The following PHLPP1 variants were observed in gnomAD, a reference collection of about 807,000 sequenced individuals.
PHLPP1 encodes PH domain and leucine rich repeat protein phosphatase 1, also known as PH domain leucine-rich repeat-containing protein phosphatase 1.
PHLPP1 carries 42 observed loss-of-function variants against 117.2 expected under a neutral mutation model. The observed-to-expected ratio is 0.36, with a 90% CI of 0.28 to 0.46. The LOEUF (loss-of-function observed/expected upper bound fraction) is 0.46. PHLPP1 is among the 20% of genes least tolerant of loss of function. The pLI, the probability that PHLPP1 is intolerant of heterozygous loss-of-function variation, is 1.00. For missense variants in PHLPP1, 2,084 were observed against 2,241.9 expected, an observed-to-expected ratio of 0.93 and a Z score of 1.42; for synonymous variants, 1,042 against 970.7, an observed-to-expected ratio of 1.07 and a Z score of -1.37.
At chr18:62,922,458 A>G (rs1909503073) in intron 10 of PHLPP1, among the ~76,000 whole-genome samples, 2 of 152,190 alleles carry the variant, frequency 1.3e-5, no homozygotes, top group South Asian at 2.1e-4. Context: ...TTTTACGTTA[A>G]TATCAAAGCA....
At chr18:62,796,717 C>T (rs1212031428) in intron 1 of PHLPP1, among the ~76,000 whole-genome samples, 1 of 152,106 alleles carries the variant, frequency 6.6e-6, no homozygotes, top group Non-Finnish European at 1.5e-5. Context: ...GGGACCCTGT[C>T]CATAAACAAA....
At chr18:62,746,223 T>C (rs1309787240) in intron 1 of PHLPP1, among the ~76,000 whole-genome samples, 1 of 152,148 alleles carries the variant, frequency 6.6e-6, no homozygotes, top group Non-Finnish European at 1.5e-5. Flanking sequence ...TTTTGTATTT[T>C]TAGTAGAGAC....
chr18:62,836,412 A>G (rs376666267), intron 2 of PHLPP1, among the ~76,000 whole-genome samples: 1 of 150,654 alleles, frequency 6.6e-6, no homozygotes, highest in African/African-American at 2.4e-5. Context: ...AGCCTGGGCA[A>G]CAGAGCGAGA....
intron 16 of PHLPP1, 112 bp downstream of exon 16, chr18:62,975,737 G>T: frequency 1.4e-6 from 1 of 695,122 alleles, no homozygotes; most frequent in Non-Finnish European, 2.5e-6. Context: ...TTTGAAGTTG[G>T]TTTGACATTA....
intron 1 of PHLPP1, among the ~76,000 whole-genome samples, chr18:62,803,983 T>C (rs1344069089): frequency 6.6e-6 from 1 of 152,136 alleles, no homozygotes; most frequent in Non-Finnish European, 1.5e-5. Context: ...TGGGTGTGTG[T>C]ATTAGTCCGT....
chr18:62,921,449 G>T (rs1169564204), intron 10 of PHLPP1, among the ~76,000 whole-genome samples: 1 of 152,144 alleles, frequency 6.6e-6, no homozygotes, highest in Non-Finnish European at 1.5e-5. Flanking sequence ...ATTTCCCACT[G>T]CATGTTCCTA....
At chr18:62,823,909 A>G (rs186423904) in intron 1 of PHLPP1, among the ~76,000 whole-genome samples, 113 of 152,216 alleles carry the variant, frequency 7.4e-4, no homozygotes, top group Middle Eastern at 3.4e-3. Flanking sequence ...AGGTAGGTGG[A>G]CCATCTGAGG....
chr18:62,776,801 G>A (rs2144274050), intron 1 of PHLPP1, among the ~76,000 whole-genome samples: 1 of 152,094 alleles, frequency 6.6e-6, no homozygotes, highest in African/African-American at 2.4e-5. Flanking sequence ...GTAGAGACGG[G>A]GTTTCACCAT....
intron 10 of PHLPP1, among the ~76,000 whole-genome samples, chr18:62,939,694 A>G (rs1193960741): frequency 1.4e-5 from 2 of 139,058 alleles, no homozygotes; most frequent in Non-Finnish European, 3.1e-5. Flanking sequence ...AAAATGTTCT[A>G]TTTTGGGGAA....
At chr18:62,780,169 G>A (rs939876174) in intron 1 of PHLPP1, among the ~76,000 whole-genome samples, 1 of 152,136 alleles carries the variant, frequency 6.6e-6, no homozygotes, top group Non-Finnish European at 1.5e-5. Flanking sequence ...TTTCAAGAAG[G>A]AATAGTCGAG....
intron 12 of PHLPP1, among the ~76,000 whole-genome samples, chr18:62,954,400 G>A (rs1448744654): frequency 6.6e-6 from 1 of 152,066 alleles, no homozygotes; most frequent in Non-Finnish European, 1.5e-5. Context: ...CAATATAAAG[G>A]GTCTTTTTTT....
chr18:62,940,702 A>T (rs951871459), intron 10 of PHLPP1, among the ~76,000 whole-genome samples: 2 of 152,172 alleles, frequency 1.3e-5, no homozygotes, highest in South Asian at 4.1e-4. Flanking sequence ...AAAGTGTGGC[A>T]GCAATATATT....
chr18:62,772,243 G>A (rs1912806529), intron 1 of PHLPP1, among the ~76,000 whole-genome samples: 1 of 152,084 alleles, frequency 6.6e-6, no homozygotes, highest in South Asian at 2.1e-4. Context: ...TGTGGGTAAT[G>A]CAATAAGAAA....
intron 4 of PHLPP1, 122 bp from the exon 5 acceptor site, chr18:62,894,889 C>T (rs1281116289): frequency 2.6e-6 from 2 of 763,714 alleles, no homozygotes; most frequent in East Asian, 2.7e-5. Context: ...CTCTCTGGGG[C>T]CCCCATTTCC....
intron 3 of PHLPP1, among the ~76,000 whole-genome samples, chr18:62,857,400 C>G (rs1197388817): frequency 1.3e-5 from 2 of 152,138 alleles, no homozygotes; most frequent in African/African-American, 2.4e-5. Flanking sequence ...GCAGCTGGTT[C>G]TCTTTCTTTC....
chr18:62,867,025 GTT>G (rs757017333), intron 4 of PHLPP1, among the ~76,000 whole-genome samples: 45 of 152,036 alleles, frequency 3.0e-4, no homozygotes, highest in Admixed American at 4.6e-4. Flanking sequence ...ACATTTCTTG[GTT>G]TTGTTTTATT....
At position 62,958,720 on chromosome 18, in the gene PHLPP1, C is replaced by T. The variant is rs780333594; in HGVS notation, c.3416C>T (p.Pro1139Leu). 18 of 1,613,876 alleles carry T rather than the reference C, an allele frequency of 1.1e-5. No individual in the cohort carries two copies. Among genetic ancestry groups the T allele is most frequent in the South Asian group, 2.2e-5 (2 of 91,090 alleles). ...CAGGAGCTAGACCTGACTGGAAACC[C>T]GCGCCTTGTCCTTGATCACAAAACC... Reference protein sequence around the residue: ...KLQELDLTGNPRLVLDHKTLE... With the variant: ...KLQELDLTGNLRLVLDHKTLE... Residue 1139 changes from proline to leucine, a missense_variant, in exon 13 of 17, where the codon CCG becomes CTG. Physicochemically the swap from Pro to Leu is moderately conservative, Grantham distance 98 (BLOSUM62 -3). Coordinates refer to ENST00000262719, the MANE Select transcript of PHLPP1 (RefSeq NM_194449.4).
chr18:62,820,699 T>A (rs1341524239), intron 1 of PHLPP1, among the ~76,000 whole-genome samples: 2 of 152,224 alleles, frequency 1.3e-5, no homozygotes, highest in African/African-American at 4.8e-5. Flanking sequence ...CCTGCTATGC[T>A]GAACTGTTAG....
chr18:62,812,479 A>G (rs909980663), intron 1 of PHLPP1, among the ~76,000 whole-genome samples: 2 of 152,146 alleles, frequency 1.3e-5, no homozygotes, highest in Non-Finnish European at 2.9e-5. Flanking sequence ...GTTCCTTTAG[A>G]GGAGTTAAGA....
Sources: gnomAD v4.1 joint callset for allele counts (sites outside exome capture counted in the v4.1 genomes callset) on GRCh38, gnomAD v4.1.1 for gene constraint, MANE v1.5 for transcripts, NCBI Gene and HGNC (gene_info 2026-07-23, HGNC 2026-07-21) for gene names.